COL7A1: variants seen among roughly 807,000 people sequenced by gnomAD.
COL7A1 encodes collagen alpha-1(VII) chain.
In COL7A1, 296 loss-of-function variants were observed where a neutral mutation model predicts 456.2. That is an observed-to-expected ratio of 0.65 (90% CI 0.59 to 0.71). The LOEUF is 0.71. Ranked by LOEUF, COL7A1 falls within the 30% of genes least tolerant of loss-of-function variation. COL7A1 has a pLI of 0.00. For synonymous variants in COL7A1, 1,464 were observed against 1,525.9 expected (o/e 0.96, Z 0.95); for missense variants, 3,441 against 4,017.2 (o/e 0.86, Z 3.88).
At position 48,565,193 on chromosome 3, in the gene COL7A1, G is replaced by T. The variant is rs750604521; in HGVS notation, c.8536C>A (p.Pro2846Thr). Reference sequence around the variant, plus strand: ...TCAGAGTACTCATCATCCTCAGGGGGTACCCGCTCTGCAGGTAGGGCAGGG... The same window carrying T: ...TCAGAGTACTCATCATCCTCAGGGGTTACCCGCTCTGCAGGTAGGGCAGGG... ...VSHAEEEERV[P>T]PEDDEYSEYS... Residue 2846 changes from proline (P) to threonine (T), a missense_variant, in exon 117 of 119, where the codon CCC becomes ACC. Physicochemically the swap from Pro to Thr is conservative, Grantham distance 38. Around this residue, in one of 3 missense-constraint regions of COL7A1, gnomAD observed 2,084 missense variants for 2,501.3 expected, o/e 0.83. Coordinates refer to ENST00000681320, the MANE Select transcript of COL7A1 (RefSeq NM_000094.4). The surrounding 1 kb of genome is among the most constrained non-coding windows in gnomAD (Gnocchi z 4.5). The T allele has an allele frequency of 5.6e-6, 9 of 1,613,594 alleles. No individual in the cohort carries two copies. In the East Asian group the frequency reaches 8.9e-5, roughly 16 times the overall value.
rs1051071382 is a variant in COL7A1, at chr3:48,591,727, A to G, written c.1453T>C (p.Tyr485His). 8.1e-6 allele frequency: 13 copies of G among 1,614,042 alleles called. No homozygotes were observed. The highest frequency in any genetic ancestry group is 1.1e-5 in the Non-Finnish European group (13 of 1,180,016). Residue 485 changes from tyrosine to histidine, a missense_variant, in exon 12 of 119, where the codon TAC becomes CAC. By Grantham distance (83) the Tyr-to-His change is moderately conservative (BLOSUM62 2). This residue lies in a region of COL7A1 where 913 missense variants were observed against 1,088.2 expected (regional missense o/e 0.84). Transcript: ENST00000681320. The surrounding 1 kb of genome is among the most constrained non-coding windows in gnomAD (Gnocchi z 7.0). ...QPGTEYRLTL[Y>H]TLLEGHEVAT... ...ACCTCGTGGCCCTCCAGCAGAGTGT[A>G]GAGTGTGAGGCGGTACTCAGTGCCC... is the stretch of plus-strand genomic sequence containing the variant.
Position 48,566,529 on chromosome 3 carries a change from T to C in COL7A1, c.8339A>G (p.Lys2780Arg). The change falls in exon 113 of 119, where the codon AAG becomes AGG. Residue 2780 changes from lysine to arginine, a missense_variant. Physicochemically the swap from Lys to Arg is conservative, Grantham distance 26. Transcript: ENST00000681320. The surrounding 1 kb of genome is among the most constrained non-coding windows in gnomAD (Gnocchi z 5.9). ...RPGPAGPRGE[K>R]GEAALTEDDI... Reference sequence around the variant, plus strand: ...ACTCACCGTCAGTGCAGCTTCTCCCTTCTCGCCTCGAGGACCGGCAGGCCC... The same window carrying C: ...ACTCACCGTCAGTGCAGCTTCTCCCCTCTCGCCTCGAGGACCGGCAGGCCC... 1 of 1,598,216 alleles carries C rather than the reference T, an allele frequency of 6.3e-7. No homozygotes were observed. The highest frequency in any genetic ancestry group is 8.5e-7 in the Non-Finnish European group (1 of 1,169,946).
rs34107861 is a variant in COL7A1, at chr3:48,571,765, G to A, written c.7068+236C>T. 6,528 of 635,318 alleles carry A rather than the reference G, an allele frequency of 0.01. 123 individuals carry two copies. The highest frequency in any genetic ancestry group is 0.055 in the East Asian group (1,999 of 36,342). 39.4% of individuals were successfully genotyped at this position (635,318 alleles called of 1,614,324 possible). ...GACCAGAGCACACGTGTGCCCAGAT[G>A]TGGTGAGAAACAGACCAAGGATGGG... On this transcript the variant is annotated intron_variant, in intron 92 of 118. Transcript: ENST00000681320. The surrounding 1 kb of genome is among the most constrained non-coding windows in gnomAD (Gnocchi z 4.6).
chr3:48,588,477 C>T lies in COL7A1; in HGVS notation c.2588-73G>A. ...TGCACCAATCCCAGGCCCACCCTGG[C>T]ACACGCACCCCGCCCAGCCTCTCAG... On this transcript the variant is annotated intron_variant, in intron 20 of 118. Coordinates refer to ENST00000681320, the MANE Select transcript of COL7A1 (RefSeq NM_000094.4). The surrounding 1 kb of genome is among the most constrained non-coding windows in gnomAD (Gnocchi z 4.6). 1 of 1,594,160 alleles carries T rather than the reference C, an allele frequency of 6.3e-7. No individual in the cohort carries two copies.
At position 48,594,364 on chromosome 3, in the gene COL7A1, T is replaced by G. The variant is rs774633301; in HGVS notation, c.266+4A>C. The G allele has an allele frequency of 1.2e-6, 2 of 1,609,646 alleles. No individual in the cohort carries two copies. The highest frequency in any genetic ancestry group is 4.5e-5 in the East Asian group (2 of 44,864). ...GGTCCCCAGCCCCCAGGGCCCCTAC[T>G]CACCGTGGGTCATCGCTGTACTGCA... On this transcript the variant is annotated splice_donor_region_variant and intron_variant, in intron 3 of 118. Transcript: ENST00000681320. This position sits in a 1 kb window ranked among gnomAD's most constrained non-coding sequence, Gnocchi z 5.5.
At position 48,594,708 on chromosome 3, in the gene COL7A1, G is replaced by T. The variant is rs1180376718; in HGVS notation, c.86-160C>A. ...GAGCCTGAGGGCCTTGGAGGGAGTT[G>T]AGCTCGGTGGGTCCCAGAGCAGACT... On this transcript the variant is annotated intron_variant, in intron 2 of 118. Coordinates refer to ENST00000681320, the MANE Select transcript of COL7A1 (RefSeq NM_000094.4). The surrounding 1 kb of genome is among the most constrained non-coding windows in gnomAD (Gnocchi z 5.5). 6.6e-6 allele frequency among the ~76,000 whole-genome samples: 1 copy of T among 152,162 alleles called. No individual in the cohort carries two copies. Among genetic ancestry groups the T allele is most frequent in the African/African-American group, 2.4e-5 (1 of 41,444 alleles).
rs1438197247 is a variant in COL7A1, at chr3:48,568,779, C to T, written c.7758+5G>A. On this transcript the variant is annotated splice_donor_5th_base_variant and intron_variant, in intron 104 of 118. Coordinates refer to ENST00000681320, the MANE Select transcript of COL7A1 (RefSeq NM_000094.4). This position sits in a 1 kb window ranked among gnomAD's most constrained non-coding sequence, Gnocchi z 5.2. ...GCCTGGGCCTGGGCCTGGGGCAGAA[C>T]TTGCCTGGGGTCCCAGGAGTCCACG... 1.9e-6 allele frequency: 3 copies of T among 1,565,184 alleles called. No homozygotes were observed. The highest frequency in any genetic ancestry group is 3.8e-5 in the Admixed American group (2 of 53,042).
Position 48,592,067 on chromosome 3 carries a change from C to A in COL7A1, c.1240+35G>T. The A allele has an allele frequency of 2.5e-6, 4 of 1,614,174 alleles. No individual in the cohort carries two copies. The highest frequency in any genetic ancestry group is 3.4e-6 in the Non-Finnish European group (4 of 1,180,012). On this transcript the variant is annotated intron_variant, in intron 10 of 118. Transcript: ENST00000681320. This position sits in a 1 kb window ranked among gnomAD's most constrained non-coding sequence, Gnocchi z 7.6. ...GCCTCCGGGCCTTGCCCTGCCTGCC[C>A]GTCCCAGCCTGAAGAAAGTGCCCAG...
chr3:48,591,757 G>A lies in COL7A1; in HGVS notation c.1423C>T (p.Gln475Ter), dbSNP rs1482450152. 2 of 1,614,154 alleles carry A rather than the reference G, an allele frequency of 1.2e-6. No individual in the cohort carries two copies. The highest frequency in any genetic ancestry group is 2.2e-5 in the East Asian group (1 of 44,890). Residue 475 changes from glutamine (Q) to a stop codon, truncating the protein, a stop_gained, in exon 12 of 119, where the codon CAG (glutamine) becomes TAG (stop). Coordinates refer to ENST00000681320, the MANE Select transcript of COL7A1 (RefSeq NM_000094.4). LOFTEE classifies it high-confidence loss of function. The surrounding 1 kb of genome is among the most constrained non-coding windows in gnomAD (Gnocchi z 7.0). ...GTGAGGCGGTACTCAGTGCCCGGCT[G>A]CAGCCCATCCAACTGGTAGCGGGTC... ...DVTRYQLDGL[Q>*]PGTEYRLTLY... is the part of the protein sequence containing the mutation.
rs756810451 is a variant in COL7A1 at position 48,565,541 on chromosome 3, G to A, written c.8441-45C>T. 3 of 1,613,786 alleles carry A rather than the reference G, an allele frequency of 1.9e-6. No individual in the cohort carries two copies. Among genetic ancestry groups the A allele is most frequent in the Non-Finnish European group, 1.7e-6 (2 of 1,179,708 alleles). ...CCTCAGGGCCCTGAAGTCACCATGG[G>A]CAGCCATCCCAGCCAACCCCCCTGA... is the stretch of plus-strand genomic sequence containing the variant. On this transcript the variant is annotated intron_variant, in intron 115 of 118. Transcript: ENST00000681320. This position sits in a 1 kb window ranked among gnomAD's most constrained non-coding sequence, Gnocchi z 4.5.
In COL7A1 at chr3:48,585,153, TC is replaced by T. The variant is rs1560246298; in HGVS notation, c.3895-38del. 6.2e-7 allele frequency: 1 copy of T among 1,600,160 alleles called. No individual in the cohort carries two copies. The highest frequency in any genetic ancestry group is 1.3e-5 in the African/African-American group (1 of 74,666). ...AAGAGGTCAGGACAGGAAGGGACCC[TC>T]CCCCAAGGCCCCTGGTTTGCTGGAG... On this transcript the variant is annotated intron_variant, in intron 32 of 118. Coordinates refer to ENST00000681320, the MANE Select transcript of COL7A1 (RefSeq NM_000094.4). The surrounding 1 kb of genome is among the most constrained non-coding windows in gnomAD (Gnocchi z 4.5).
rs2045455108 is a variant in COL7A1, at chr3:48,588,524, C to A, written c.2587+118G>T. On this transcript the variant is annotated intron_variant, in intron 20 of 118. Coordinates refer to ENST00000681320, the MANE Select transcript of COL7A1 (RefSeq NM_000094.4). This position sits in a 1 kb window ranked among gnomAD's most constrained non-coding sequence, Gnocchi z 4.6. ...TCAGACCCCTCTCCCTCCTCTCAGA[C>A]CCTGCCCCCAAAGGCTCACTACCAA... 1 of 1,604,428 alleles carries A rather than the reference C, an allele frequency of 6.2e-7. No homozygotes were observed. The highest frequency in any genetic ancestry group is 8.5e-7 in the Non-Finnish European group (1 of 1,176,688).
At position 48,564,248 on chromosome 3, in the gene COL7A1, GA is replaced by G; in HGVS notation, c.*157del. ...ACAATGGGGGTTTGTCCACAGGGGG[GA>G]AGGCTAGACCCACGGGACCAAGTCA... On this transcript the variant is annotated 3_prime_UTR_variant, in exon 119 of 119. Transcript: ENST00000681320. The surrounding 1 kb of genome is among the most constrained non-coding windows in gnomAD (Gnocchi z 6.0). 1 of 875,602 alleles carries G rather than the reference GA, an allele frequency of 1.1e-6. No individual in the cohort carries two copies. Among genetic ancestry groups the G allele is most frequent in the Non-Finnish European group, 1.9e-6 (1 of 539,212 alleles). 54.2% of individuals were successfully genotyped at this position (875,602 alleles called of 1,614,324 possible).
rs775695539 is a variant in COL7A1 at position 48,586,602 on chromosome 3, G to A, written c.3364C>T (p.Arg1122Cys). 1.3e-5 allele frequency: 21 copies of A among 1,613,634 alleles called. No individual in the cohort carries two copies. Among genetic ancestry groups the A allele is most frequent in the African/African-American group, 4.0e-5 (3 of 74,920 alleles). Residue 1122 changes from arginine to cysteine, a missense_variant, in exon 26 of 119, where the codon CGT becomes TGT. Arg to Cys is a radical substitution (Grantham distance 180). Transcript: ENST00000681320. This position sits in a 1 kb window ranked among gnomAD's most constrained non-coding sequence, Gnocchi z 5.1. Reference sequence around the variant, plus strand: ...CTTGGGTCCATGTAGGGCATGTCACGGATCCTTTGCAAGATAATGCCAAGG... The same window carrying A: ...CTTGGGTCCATGTAGGGCATGTCACAGATCCTTTGCAAGATAATGCCAAGG... ...HDLGIILQRI[R>C]DMPYMDPSGN...
Position 48,565,731 on chromosome 3 carries a change from C to T in COL7A1, c.8408-63G>A. On this transcript the variant is annotated intron_variant, in intron 114 of 118. Coordinates refer to ENST00000681320, the MANE Select transcript of COL7A1 (RefSeq NM_000094.4). This position sits in a 1 kb window ranked among gnomAD's most constrained non-coding sequence, Gnocchi z 4.5. ...AGAGAAGGATGGGAAGATGGAGAGACAGACAGAGACACACAGGCAGAGGGG... is the reference window on the plus strand; with the variant it reads ...AGAGAAGGATGGGAAGATGGAGAGATAGACAGAGACACACAGGCAGAGGGG... 1.3e-5 allele frequency: 19 copies of T among 1,484,556 alleles called. No homozygotes were observed. In the South Asian group the frequency reaches 2.0e-4, roughly 16 times the overall value. 92.0% of individuals were successfully genotyped at this position (1,484,556 alleles called of 1,614,324 possible).
rs886038238 is a variant in COL7A1, at chr3:48,588,760, T to A, written c.2469A>T (p.Pro823=). 1 of 1,613,784 alleles carries A rather than the reference T, an allele frequency of 6.2e-7. No homozygotes were observed. Among genetic ancestry groups the A allele is most frequent in the Non-Finnish European group, 8.5e-7 (1 of 1,180,046 alleles). ...GGATCTCTGCAGAGTCTGTGTTTCC[T>A]GGGAGTATCTGGTGCCTCATGGGGC... The part of the protein sequence containing the change: ...EGGPMRHQIL[P]GNTDSAEIRG... The change falls in exon 20 of 119, where the codon CCA becomes CCT. Residue 823 remains proline, a synonymous_variant. Coordinates refer to ENST00000681320, the MANE Select transcript of COL7A1 (RefSeq NM_000094.4). This position sits in a 1 kb window ranked among gnomAD's most constrained non-coding sequence, Gnocchi z 4.6.
rs1381120823 is a variant in COL7A1 at position 48,567,163 on chromosome 3, C to T, written c.8074G>A (p.Gly2692Ser). 3 of 1,613,942 alleles carry T rather than the reference C, an allele frequency of 1.9e-6. No individual in the cohort carries two copies. The highest frequency in any genetic ancestry group is 2.5e-6 in the Non-Finnish European group (3 of 1,179,976). Reference sequence around the variant, plus strand: ...TTCTCGCCCTGGTCACCCTTGGGGCCTGGCTGCCCGTCAAAGCCTCGGTCA... The same window carrying T: ...TTCTCGCCCTGGTCACCCTTGGGGCTTGGCTGCCCGTCAAAGCCTCGGTCA... ...KGDRGFDGQP[G>S]PKGDQGEKGE... The change falls in exon 110 of 119, where the codon GGC becomes AGC. Residue 2692 changes from glycine (G) to serine (S), a missense_variant. Transcript: ENST00000681320. The surrounding 1 kb of genome is among the most constrained non-coding windows in gnomAD (Gnocchi z 4.3).
In COL7A1 at chr3:48,573,380, G is replaced by A. The variant is rs764852010; in HGVS notation, c.6619-32C>T. On this transcript the variant is annotated intron_variant, in intron 83 of 118. Transcript: ENST00000681320. This position sits in a 1 kb window ranked among gnomAD's most constrained non-coding sequence, Gnocchi z 5.5. The stretch of plus-strand genomic sequence containing the variant: ...ACAACCCAGAGACTGCATGAGCAGA[G>A]CCCACGTGGCCAGGGCTCCTGGAGC... The A allele has an allele frequency of 4.2e-5, 68 of 1,613,920 alleles. No individual in the cohort carries two copies. In the Admixed American group the frequency reaches 1.1e-3, roughly 26 times the overall value.
chr3:48,573,241 A>G lies in COL7A1; in HGVS notation c.6652-5T>C. The G allele has an allele frequency of 6.2e-7, 1 of 1,614,084 alleles. No homozygotes were observed. The highest frequency in any genetic ancestry group is 8.5e-7 in the Non-Finnish European group (1 of 1,180,026). The stretch of plus-strand genomic sequence containing the variant: ...TCCAGTAGGTCCAGTCAGGCCCTGG[A>G]GGAAGAGAAAGTTCAGGGCAGTGCC... On this transcript the variant is annotated splice_polypyrimidine_tract_variant and splice_region_variant and intron_variant, in intron 84 of 118. Coordinates refer to ENST00000681320, the MANE Select transcript of COL7A1 (RefSeq NM_000094.4). The surrounding 1 kb of genome is among the most constrained non-coding windows in gnomAD (Gnocchi z 5.5).
Sources: allele counts gnomAD v4.1 joint callset (sites outside exome capture counted in the v4.1 genomes callset), GRCh38; gene constraint gnomAD v4.1.1; regional missense constraint gnomAD v4.1.1; non-coding constraint Gnocchi (gnomAD v3.1); transcripts MANE v1.5; gene names NCBI Gene and HGNC (gene_info 2026-07-23, HGNC 2026-07-21).